KLHL1: variants seen among roughly 807,000 people sequenced by gnomAD.
KLHL1 encodes the protein kelch like family member 1.
Under a neutral mutation model 77.7 loss-of-function variants are expected in KLHL1, and 47 were observed. That is an observed-to-expected ratio of 0.60 (90% CI 0.48 to 0.77). The LOEUF (loss-of-function observed/expected upper bound fraction) is 0.77, where lower values mean the gene tolerates loss of function less well. Ranked by LOEUF, KLHL1 falls within the 30% of genes least tolerant of loss-of-function variation. The pLI is 0.00. For synonymous variants in KLHL1, 360 were observed against 325.2 expected, an observed-to-expected ratio of 1.11 and a Z score of -1.15; for missense variants, 925 against 910.8, an observed-to-expected ratio of 1.02 and a Z score of -0.20.
intron 4 of KLHL1, among the ~76,000 whole-genome samples, chr13:69,917,545 G>A (rs961555517): frequency 6.6e-6 from 1 of 152,110 alleles, no homozygotes; most frequent in Admixed American, 6.5e-5. Flanking sequence ...AGGAATGGTT[G>A]ATTTCGTTTC....
At chr13:69,953,691 A>G (rs1336713252) in intron 3 of KLHL1, among the ~76,000 whole-genome samples, 2 of 151,174 alleles carry the variant, frequency 1.3e-5, no homozygotes, top group Non-Finnish European at 1.5e-5. Flanking sequence ...TGTTTAAAAA[A>G]TTCACCATTA....
chr13:69,870,418 T>C (rs992778723), intron 5 of KLHL1, among the ~76,000 whole-genome samples: 14 of 152,060 alleles, frequency 9.2e-5, no homozygotes, highest in Non-Finnish European at 1.5e-4. Flanking sequence ...AAGTCCAACA[T>C]TGGGTAGCAA....
rs1471150833 is a variant in KLHL1, at chr13:70,106,276, C to G, written c.497+927G>C. 1.3e-5 allele frequency among the ~76,000 whole-genome samples: 2 copies of G among 151,834 alleles called. 1 individual carries two copies. Among genetic ancestry groups the G allele is most frequent in the East Asian group, 3.9e-4 (2 of 5,162 alleles). On this transcript the variant is annotated intron_variant, in intron 1 of 10. Coordinates refer to ENST00000377844, the MANE Select transcript of KLHL1 (RefSeq NM_020866.3). ...ATTTTCCTATATTTCTCCTGTAGTT[C>G]TTCTTTAATAATGTATTCTGATATC...
intron 1 of KLHL1, among the ~76,000 whole-genome samples, chr13:70,034,179 G>C (rs1483647775): frequency 2.0e-5 from 3 of 152,100 alleles, no homozygotes; most frequent in Non-Finnish European, 2.9e-5. Flanking sequence ...ACATTTTACT[G>C]TTGTCTATTA....
intron 1 of KLHL1, among the ~76,000 whole-genome samples, chr13:69,995,287 C>T (rs1439403891): frequency 4.0e-5 from 6 of 151,898 alleles, no homozygotes; most frequent in Admixed American, 2.6e-4. Context: ...TGTTGATTTA[C>T]GTGTGTATAT....
At chr13:69,843,909 C>T (rs1354835457) in intron 5 of KLHL1, among the ~76,000 whole-genome samples, 1 of 151,564 alleles carries the variant, frequency 6.6e-6, no homozygotes, top group Non-Finnish European at 1.5e-5. Flanking sequence ...CACCCATTAA[C>T]TCGTCATTTA....
At chr13:69,767,395 TC>T (rs1232745838) in intron 7 of KLHL1, among the ~76,000 whole-genome samples, 1 of 152,090 alleles carries the variant, frequency 6.6e-6, no homozygotes. Context: ...ACCTCTCTTC[TC>T]TTTTAAGAAA....
intron 1 of KLHL1, among the ~76,000 whole-genome samples, chr13:70,067,647 AC>A (rs2137413320): frequency 6.6e-6 from 1 of 152,082 alleles, no homozygotes; most frequent in East Asian, 1.9e-4. Flanking sequence ...AACAACAACA[AC>A]AACAACAACA....
intron 1 of KLHL1, among the ~76,000 whole-genome samples, chr13:69,987,750 G>A (rs1025526543): frequency 1.1e-4 from 16 of 151,824 alleles, no homozygotes; most frequent in African/African-American, 3.4e-4. Context: ...AAAATACACA[G>A]ATAAAAATAG....
intron 7 of KLHL1, among the ~76,000 whole-genome samples, chr13:69,781,710 T>G (rs1436814911): frequency 1.3e-5 from 2 of 152,200 alleles, no homozygotes; most frequent in African/African-American, 4.8e-5. Context: ...AAAATCCGTT[T>G]TTTTGTCACT....
At chr13:69,890,481 G>C (rs1199868027) in intron 4 of KLHL1, among the ~76,000 whole-genome samples, 1 of 151,978 alleles carries the variant, frequency 6.6e-6, no homozygotes, top group Non-Finnish European at 1.5e-5. Context: ...GACCCTGTGA[G>C]GAAGCCCTTA....
chr13:69,732,558 T>G (rs1052352960), intron 8 of KLHL1, among the ~76,000 whole-genome samples: 1 of 152,184 alleles, frequency 6.6e-6, no homozygotes, highest in Admixed American at 6.5e-5. Context: ...TTTTCTGCTT[T>G]GCCACCTGGT....
chr13:69,842,882 A>G (rs547640358), intron 5 of KLHL1, among the ~76,000 whole-genome samples: 4 of 151,904 alleles, frequency 2.6e-5, no homozygotes, highest in African/African-American at 7.2e-5. Flanking sequence ...CATGCCATTT[A>G]TAGCAACATG....
chr13:69,780,025 AT>A (rs1876057150), intron 7 of KLHL1, among the ~76,000 whole-genome samples: 2 of 140,940 alleles, frequency 1.4e-5, no homozygotes, highest in South Asian at 2.2e-4. Context: ...GCTTGTCTCT[AT>A]CTATCTCCTG....
At chr13:69,978,243 G>A (rs532769429) in intron 1 of KLHL1, among the ~76,000 whole-genome samples, 2 of 151,794 alleles carry the variant, frequency 1.3e-5, no homozygotes, top group South Asian at 4.1e-4. Flanking sequence ...TTGACTCTCA[G>A]GTAGAAAGGA....
Position 69,701,033 on chromosome 13 carries a change from C to A in KLHL1, c.*669G>T, listed in dbSNP as rs1196322601. On this transcript the variant is annotated 3_prime_UTR_variant, in exon 11 of 11. Coordinates refer to ENST00000377844, the MANE Select transcript of KLHL1 (RefSeq NM_020866.3). ...TAGTGAAAACAATCCTTTGTGTTTGCCAGTTTCAGATTGCCAATATGGTTG... is the reference window on the plus strand; with the variant it reads ...TAGTGAAAACAATCCTTTGTGTTTGACAGTTTCAGATTGCCAATATGGTTG... The A allele has an allele frequency of 2.0e-5, 3 of 152,184 alleles. No homozygotes were observed. In the East Asian group the frequency reaches 5.8e-4, roughly 29 times the overall value. 9.4% of individuals were successfully genotyped at this position (152,184 alleles called of 1,614,324 possible).
intron 1 of KLHL1, among the ~76,000 whole-genome samples, chr13:69,995,847 A>G (rs2137318903): frequency 6.6e-6 from 1 of 152,270 alleles, no homozygotes; most frequent in East Asian, 1.9e-4. Context: ...GAAAAGATAT[A>G]TCAGAAACTG....
chr13:69,755,944 C>T (rs1045714163), intron 7 of KLHL1, among the ~76,000 whole-genome samples: 4 of 152,108 alleles, frequency 2.6e-5, no homozygotes, highest in East Asian at 1.9e-4. Flanking sequence ...TTTTGATTCT[C>T]GCTGTGTGAA....
intron 6 of KLHL1, among the ~76,000 whole-genome samples, chr13:69,804,736 G>A (rs1389333790): frequency 2.0e-5 from 3 of 152,018 alleles, no homozygotes; most frequent in African/African-American, 4.8e-5. Context: ...AGCAACAAAC[G>A]ATAAAATCCA....
Sources: allele counts gnomAD v4.1 joint callset (sites outside exome capture counted in the v4.1 genomes callset), GRCh38; gene constraint gnomAD v4.1.1; transcripts MANE v1.5; gene names NCBI Gene and HGNC (gene_info 2026-07-23, HGNC 2026-07-21).